The following WDPCP variants were observed in gnomAD, a reference collection of about 807,000 sequenced individuals.
The protein encoded by WDPCP is WD repeat-containing and planar cell polarity effector protein fritz homolog.
WDPCP carries 71 observed loss-of-function variants against 93.1 expected under a neutral mutation model. That is an observed-to-expected ratio of 0.76 (90% CI 0.63 to 0.93). The LOEUF (loss-of-function observed/expected upper bound fraction) is 0.93, where lower values mean the gene tolerates loss of function less well. Among genes scored for constraint, WDPCP ranks in the 40% least tolerant of loss-of-function variants. WDPCP has a pLI of 0.00. For synonymous variants in WDPCP, 315 were observed against 315.0 expected, an observed-to-expected ratio of 1.00 and a Z score of 0.00; for missense variants, 844 against 887.4, an observed-to-expected ratio of 0.95 and a Z score of 0.62.
intron 17 of WDPCP, among the ~76,000 whole-genome samples, chr2:63,129,517 A>G (rs1438391412): frequency 6.6e-6 from 1 of 152,184 alleles, no homozygotes; most frequent in African/African-American, 2.4e-5. Context: ...AGCCATTCCA[A>G]TGTATGTAGT....
intron 3 of WDPCP, among the ~76,000 whole-genome samples, chr2:63,645,385 T>A (rs1015209037): frequency 6.6e-6 from 1 of 151,234 alleles, no homozygotes; most frequent in African/African-American, 2.5e-5. Flanking sequence ...GTATTTCAAT[T>A]TTTTTTGCAT....
chr2:63,827,537 A>ATC (rs1190646511), intron 1 of WDPCP: 1 of 152,158 alleles, frequency 6.6e-6, no homozygotes, highest in Non-Finnish European at 1.5e-5. Context: ...TGAGTCTACC[A>ATC]TCTCTAACAT....
intron 14 of WDPCP, among the ~76,000 whole-genome samples, chr2:63,257,523 G>C (rs1681248279): frequency 6.6e-6 from 1 of 152,162 alleles, no homozygotes; most frequent in South Asian, 2.1e-4. Context: ...GAAAGTTACT[G>C]ATGTTATTTA....
chr2:63,535,847 C>A (rs1704235369), intron 1 of WDPCP, among the ~76,000 whole-genome samples: 1 of 152,092 alleles, frequency 6.6e-6, no homozygotes, highest in South Asian at 2.1e-4. Context: ...GCAACAAAAG[C>A]CAAAATTGAC....
At chr2:63,792,210 G>A (rs931836096) in intron 2 of WDPCP, among the ~76,000 whole-genome samples, 1 of 152,170 alleles carries the variant, frequency 6.6e-6, no homozygotes, top group Admixed American at 6.5e-5. Context: ...ATTTAATTGA[G>A]TCACAGTTCC....
intron 14 of WDPCP, among the ~76,000 whole-genome samples, chr2:63,221,656 T>C (rs1379377180): frequency 6.6e-6 from 1 of 152,194 alleles, no homozygotes; most frequent in African/African-American, 2.4e-5. Context: ...AAAAGATACA[T>C]AGAACCAGGT....
At chr2:63,314,228 G>A (rs1009821947) in intron 12 of WDPCP, among the ~76,000 whole-genome samples, 9 of 151,362 alleles carry the variant, frequency 5.9e-5, no homozygotes, top group African/African-American at 1.9e-4. Context: ...CCAGGCTGGA[G>A]TACAGTGGTG....
chr2:63,750,958 G>C (rs2103882207), intron 2 of WDPCP, among the ~76,000 whole-genome samples: 1 of 152,150 alleles, frequency 6.6e-6, no homozygotes. Context: ...TTCTTTGTTA[G>C]GTTTTAGTAT....
At chr2:63,743,533 G>T (rs1404790922) in intron 2 of WDPCP, among the ~76,000 whole-genome samples, 3 of 152,060 alleles carry the variant, frequency 2.0e-5, no homozygotes, top group Admixed American at 6.6e-5. Context: ...AGATAATGAG[G>T]TTTTTAGAAA....
intron 1 of WDPCP, among the ~76,000 whole-genome samples, chr2:63,526,054 A>AGT (rs1375743939): frequency 7.3e-6 from 1 of 136,872 alleles, no homozygotes; most frequent in Non-Finnish European, 1.5e-5. Context: ...TGCTGTTGCT[A>AGT]CTGTGTGTGT....
chr2:63,348,970 G>A (rs1689387142), intron 12 of WDPCP, among the ~76,000 whole-genome samples: 1 of 152,190 alleles, frequency 6.6e-6, no homozygotes. Flanking sequence ...TTGAGATAGT[G>A]AGATGTCCAT....
intron 2 of WDPCP, among the ~76,000 whole-genome samples, chr2:63,729,343 A>G (rs1669529378): frequency 6.6e-6 from 1 of 152,212 alleles, no homozygotes; most frequent in African/African-American, 2.4e-5. Flanking sequence ...GATAAAAAAA[A>G]TATATTTTAA....
At chr2:63,451,465 CA>C (rs1333364850) in intron 6 of WDPCP, among the ~76,000 whole-genome samples, 1 of 151,920 alleles carries the variant, frequency 6.6e-6, no homozygotes, top group Admixed American at 6.5e-5. Flanking sequence ...ACTTGCCAAC[CA>C]AAAAAAGTCC....
chr2:63,425,378 T>C (rs1017902574), intron 9 of WDPCP, among the ~76,000 whole-genome samples: 3 of 152,184 alleles, frequency 2.0e-5, no homozygotes, highest in Admixed American at 6.5e-5. Flanking sequence ...CTTTACCAGA[T>C]TGAAGCAACA....
intron 2 of WDPCP, among the ~76,000 whole-genome samples, chr2:63,734,410 G>A (rs1394879455): frequency 6.6e-6 from 1 of 151,960 alleles, no homozygotes; most frequent in Non-Finnish European, 1.5e-5. Flanking sequence ...TCTATATAAT[G>A]AGATCTTGTG....
intron 12 of WDPCP, among the ~76,000 whole-genome samples, chr2:63,336,744 T>C (rs1048375183): frequency 6.6e-6 from 1 of 151,996 alleles, no homozygotes; most frequent in African/African-American, 2.4e-5. Context: ...AGGTAAAATA[T>C]ACATATAAAG....
intron 14 of WDPCP, among the ~76,000 whole-genome samples, chr2:63,242,902 T>C (rs1046443418): frequency 3.3e-5 from 5 of 152,140 alleles, no homozygotes; most frequent in Admixed American, 3.3e-4. Flanking sequence ...TTCAATGATG[T>C]AGATGAAGGC....
chr2:63,751,184 G>T (rs1392713799), intron 2 of WDPCP, among the ~76,000 whole-genome samples: 3 of 151,960 alleles, frequency 2.0e-5, no homozygotes, highest in Non-Finnish European at 4.4e-5. Context: ...ATTGACTTTG[G>T]TAAATTGCAT....
chr2:63,483,041 C>A (rs1379044103), intron 6 of WDPCP, among the ~76,000 whole-genome samples: 8 of 151,850 alleles, frequency 5.3e-5, no homozygotes, highest in Admixed American at 2.6e-4. Flanking sequence ...GACACACACA[C>A]AAAATTACTA....
Sources: allele counts gnomAD v4.1 joint callset (sites outside exome capture counted in the v4.1 genomes callset), GRCh38; gene constraint gnomAD v4.1.1; transcripts MANE v1.5; gene names NCBI Gene and HGNC (gene_info 2026-07-23, HGNC 2026-07-21).